Variants in CAST observed in about 807,000 individuals in gnomAD.
CAST encodes the protein calpastatin, also known as MIR583 host.
Under a neutral mutation model 119.6 loss-of-function variants are expected in CAST, and 76 were observed. The ratio of observed to expected loss-of-function variants is 0.64; its 90% CI spans 0.53 to 0.77. The LOEUF (loss-of-function observed/expected upper bound fraction) is 0.77, where lower values mean the gene tolerates loss of function less well. Among genes scored for constraint, CAST ranks in the 30% least tolerant of loss-of-function variants. CAST has a pLI of 0.00. For missense variants in CAST, 953 were observed against 946.5 expected, an observed-to-expected ratio of 1.01 and a Z score of -0.09; for synonymous variants, 319 against 331.6, an observed-to-expected ratio of 0.96 and a Z score of 0.41.
intron 3 of CAST, chr5:96,702,978 C>T (rs573182759): frequency 2.2e-5 from 21 of 975,516 alleles, no homozygotes; most frequent in Non-Finnish European, 2.4e-5. Context: ...AGGGCCTGTG[C>T]CCCCGGCTAC....
chr5:96,227,065 C>T, the CAST span, among the ~76,000 whole-genome samples: 4 of 152,144 alleles, frequency 2.6e-5, no homozygotes, highest in African/African-American at 9.7e-5. Context: ...GGCATCCTGG[C>T]TTCCAGGATC....
chr5:96,287,627 C>T, the CAST span, among the ~76,000 whole-genome samples: 1 of 152,044 alleles, frequency 6.6e-6, no homozygotes, highest in African/African-American at 2.4e-5. Flanking sequence ...AATATAAGAA[C>T]TATATAAAAC....
the CAST span, chr5:96,110,972 G>A: frequency 6.6e-6 from 1 of 152,108 alleles, no homozygotes; most frequent in Non-Finnish European, 1.5e-5. Flanking sequence ...GACCAACTGG[G>A]GATCAACAAT....
chr5:96,742,415 G>A, intron 15 of CAST: 1 of 472,962 alleles, frequency 2.1e-6, no homozygotes, highest in South Asian at 2.9e-5. Flanking sequence ...AATAAGGGGT[G>A]AAGTGTGCCC....
the CAST span, among the ~76,000 whole-genome samples, chr5:96,234,854 T>C: frequency 6.6e-6 from 1 of 152,046 alleles, no homozygotes; most frequent in South Asian, 2.1e-4. Context: ...TACTGCTTTA[T>C]TGAAGTATAA....
chr5:96,676,767 A>G (rs1394186041), intron 2 of CAST, among the ~76,000 whole-genome samples: 1 of 151,872 alleles, frequency 6.6e-6, no homozygotes, highest in African/African-American at 2.4e-5. Context: ...AAGTCTACCT[A>G]GTGTCAGCCA....
the CAST span, among the ~76,000 whole-genome samples, chr5:96,422,605 G>A: frequency 6.6e-6 from 1 of 152,062 alleles, no homozygotes; most frequent in Non-Finnish European, 1.5e-5. Flanking sequence ...TCTACTCTGT[G>A]CTACTATTTT....
chr5:96,517,831 G>T, the CAST span, among the ~76,000 whole-genome samples: 634 of 152,276 alleles, frequency 4.2e-3, 5 homozygotes, highest in African/African-American at 0.015. Context: ...AAGTTCTATA[G>T]CGTTGTGATA....
the CAST span, among the ~76,000 whole-genome samples, chr5:96,169,796 A>G: frequency 1.3e-3 from 196 of 152,266 alleles, no homozygotes; most frequent in African/African-American, 4.3e-3. Flanking sequence ...AAAGGAGACA[A>G]TGAGGTGTGG....
chr5:96,048,664 AT>A, the CAST span, among the ~76,000 whole-genome samples: 19 of 150,116 alleles, frequency 1.3e-4, no homozygotes, highest in African/African-American at 4.2e-4. Flanking sequence ...TCTCTTCCTG[AT>A]TTTTTTTTTC....
At chr5:96,441,478 T>C in the CAST span, among the ~76,000 whole-genome samples, 2 of 152,114 alleles carry the variant, frequency 1.3e-5, no homozygotes, top group African/African-American at 4.8e-5. Context: ...CAGGGTGAAC[T>C]TCACACATCT....
At chr5:96,723,139 T>C (rs2150407025) in intron 4 of CAST, among the ~76,000 whole-genome samples, 1 of 152,172 alleles carries the variant, frequency 6.6e-6, no homozygotes, top group East Asian at 1.9e-4. Flanking sequence ...TTTGTTTGTT[T>C]GTTTTTGTAG....
chr5:96,010,045 A>G, the CAST span, among the ~76,000 whole-genome samples: 1 of 152,206 alleles, frequency 6.6e-6, no homozygotes, highest in Non-Finnish European at 1.5e-5. Context: ...TTTATTGAAT[A>G]GAGAATCCTT....
the CAST span, among the ~76,000 whole-genome samples, chr5:96,258,199 A>G: frequency 6.6e-6 from 1 of 152,114 alleles, no homozygotes; most frequent in African/African-American, 2.4e-5. Flanking sequence ...TCAATAGTTC[A>G]CTTTCTGAGA....
At chr5:96,450,303 G>C in the CAST span, among the ~76,000 whole-genome samples, 1 of 152,174 alleles carries the variant, frequency 6.6e-6, no homozygotes, top group East Asian at 1.9e-4. Context: ...AACATGGATA[G>C]AACTGGACAT....
the CAST span, among the ~76,000 whole-genome samples, chr5:96,502,065 A>G: frequency 6.9e-6 from 1 of 144,026 alleles, no homozygotes; most frequent in Non-Finnish European, 1.5e-5. Flanking sequence ...AATAGTCTGC[A>G]AAGATTTGGA....
In CAST at chr5:96,736,200, C is replaced by T; in HGVS notation, c.659C>T (p.Ala220Val). Residue 220 changes from alanine to valine, a missense_variant, in exon 10 of 32, where the codon GCT becomes GTT. Transcript: ENST00000675179. ...AAAGAAAAGAAATCATTAACCCCAGCTGTGCCAGTTGAATCTAAACCGGAT... is the reference window on the plus strand; with the variant it reads ...AAAGAAAAGAAATCATTAACCCCAGTTGTGCCAGTTGAATCTAAACCGGAT... ...KKKEKKSLTPAVPVESKPDKP... is the reference protein window; with the variant it reads ...KKKEKKSLTPVVPVESKPDKP... 6.2e-7 allele frequency: 1 copy of T among 1,612,678 alleles called. No homozygotes were observed. The highest frequency in any genetic ancestry group is 8.5e-7 in the Non-Finnish European group (1 of 1,179,162).
the CAST span, among the ~76,000 whole-genome samples, chr5:96,342,352 A>T: frequency 2.0e-5 from 3 of 152,202 alleles, no homozygotes; most frequent in Non-Finnish European, 4.4e-5. Flanking sequence ...GCACATATGG[A>T]AACCAGCTGG....
At chr5:96,650,141 C>T (rs1748073267) in intron 1 of CAST, among the ~76,000 whole-genome samples, 1 of 152,170 alleles carries the variant, frequency 6.6e-6, no homozygotes, top group Non-Finnish European at 1.5e-5. Context: ...CATCAAATAC[C>T]CATGTGTTTC....
Sources: allele counts gnomAD v4.1 joint callset (sites outside exome capture counted in the v4.1 genomes callset), GRCh38; gene constraint gnomAD v4.1.1; transcripts MANE v1.5; gene names NCBI Gene and HGNC (gene_info 2026-07-23, HGNC 2026-07-21).